NRG1: variants seen among roughly 807,000 people sequenced by gnomAD.
NRG1 encodes the protein neuregulin 1, also known as pro-neuregulin-1, membrane-bound isoform.
A neutral mutation model predicts 63.8 loss-of-function variants in NRG1; 18 were observed. The observed-to-expected ratio is 0.28, with a 90% CI of 0.19 to 0.42. The LOEUF (loss-of-function observed/expected upper bound fraction) is 0.42. NRG1 is among the 10% of genes least tolerant of loss of function. The pLI, the probability that NRG1 is intolerant of heterozygous loss-of-function variation, is 1.00. For missense variants in NRG1, 762 were observed against 814.7 expected (o/e 0.94, Z 0.79); for synonymous variants, 302 against 301.3 (o/e 1.00, Z -0.02).
chr8:32,675,332 T>G (rs1449253770), intron 5 of NRG1, among the ~76,000 whole-genome samples: 1 of 152,240 alleles, frequency 6.6e-6, no homozygotes, highest in Non-Finnish European at 1.5e-5. Flanking sequence ...AAAGATATTT[T>G]TAAAATTATA....
At chr8:32,043,800 G>A (rs1820478907) in intron 1 of NRG1, among the ~76,000 whole-genome samples, 1 of 151,582 alleles carries the variant, frequency 6.6e-6, no homozygotes, top group Admixed American at 6.6e-5. Flanking sequence ...TATACACAAA[G>A]AGATACAGTA....
At chr8:32,231,310 C>A (rs1177644112) in intron 1 of NRG1, among the ~76,000 whole-genome samples, 1 of 152,064 alleles carries the variant, frequency 6.6e-6, no homozygotes, top group Non-Finnish European at 1.5e-5. Flanking sequence ...GGCTCAATCA[C>A]AATTCTGGCA....
intron 1 of NRG1, among the ~76,000 whole-genome samples, chr8:32,189,539 C>T (rs921252922): frequency 3.3e-5 from 5 of 152,256 alleles, no homozygotes; most frequent in African/African-American, 1.2e-4. Flanking sequence ...TTATCCTTAT[C>T]TGTAGAATGG....
At chr8:32,254,174 C>G (rs541460638) in intron 1 of NRG1, among the ~76,000 whole-genome samples, 1 of 151,894 alleles carries the variant, frequency 6.6e-6, no homozygotes, top group Non-Finnish European at 1.5e-5. Context: ...AAGGGTTTTT[C>G]ATGTCTCTAT....
At chr8:32,639,338 G>A (rs536670617) in intron 5 of NRG1, among the ~76,000 whole-genome samples, 2 of 152,236 alleles carry the variant, frequency 1.3e-5, no homozygotes, top group South Asian at 2.1e-4. Flanking sequence ...CCTGGGAGGT[G>A]GAGGCTGCAG....
intron 1 of NRG1, among the ~76,000 whole-genome samples, chr8:31,655,744 G>C (rs1330134571): frequency 6.6e-6 from 1 of 152,216 alleles, no homozygotes; most frequent in Admixed American, 6.5e-5. Flanking sequence ...CTGAGGTGGG[G>C]CCCCAGTTGA....
intron 8 of NRG1, among the ~76,000 whole-genome samples, chr8:32,755,560 G>C (rs1327203315): frequency 1.3e-5 from 2 of 152,084 alleles, no homozygotes; most frequent in Non-Finnish European, 2.9e-5. Flanking sequence ...TGCACAAAAA[G>C]CGTTACCAGA....
At chr8:31,965,106 C>T (rs1437548515) in intron 1 of NRG1, among the ~76,000 whole-genome samples, 1 of 152,086 alleles carries the variant, frequency 6.6e-6, no homozygotes, top group Non-Finnish European at 1.5e-5. Flanking sequence ...TAGAATTAGT[C>T]CTAAGGAATT....
intron 1 of NRG1, among the ~76,000 whole-genome samples, chr8:31,996,695 C>T (rs992554077): frequency 5.3e-5 from 8 of 151,866 alleles, no homozygotes; most frequent in Non-Finnish European, 1.2e-4. Context: ...ACCTGAAAGA[C>T]AGAGAAAGAC....
At chr8:32,281,993 G>A (rs1344017865) in intron 1 of NRG1, among the ~76,000 whole-genome samples, 1 of 152,104 alleles carries the variant, frequency 6.6e-6, no homozygotes, top group African/African-American at 2.4e-5. Context: ...GAGGCTTTAA[G>A]CTTCAAGTCA....
rs60629097 is a variant in NRG1, at chr8:32,510,955, C to CTT, written c.38-84858_38-84857dup. ...GAATCTTCCTTTCTTTCTTTCTTTC[C>CTT]TTTTTTTTTTTTTTTTCTGAAGCAG... On this transcript the variant is annotated intron_variant, in intron 1 of 10. Coordinates refer to the NRG1 transcript ENST00000519301. Among the ~76,000 whole-genome samples, 131 of 125,580 alleles carry CTT rather than the reference C, an allele frequency of 1.0e-3. 3 individuals are homozygous for CTT. The highest frequency in any genetic ancestry group is 1.6e-3 in the Admixed American group (19 of 11,674). The allele number at this position is 125,580 out of a possible 152,430, so 82.4% of individuals were successfully genotyped here. A position where few individuals can be genotyped will look rare whatever the true frequency, so the allele number is the denominator to read the frequency against.
At chr8:32,631,383 G>C (rs1490658541) in intron 5 of NRG1, among the ~76,000 whole-genome samples, 1 of 152,048 alleles carries the variant, frequency 6.6e-6, no homozygotes, top group Non-Finnish European at 1.5e-5. Context: ...TATTTGGCAG[G>C]GATCCCTTCT....
intron 1 of NRG1, among the ~76,000 whole-genome samples, chr8:32,050,052 T>G (rs1487459124): frequency 6.6e-6 from 1 of 152,170 alleles, no homozygotes; most frequent in Non-Finnish European, 1.5e-5. Flanking sequence ...AAGAGCCTCC[T>G]TATCCTGAAA....
intron 1 of NRG1, among the ~76,000 whole-genome samples, chr8:32,449,858 G>T (rs1490733805): frequency 6.6e-6 from 1 of 152,150 alleles, no homozygotes. Flanking sequence ...ATTCATGAAA[G>T]GGAAGAGGGA....
At chr8:32,740,496 C>T (rs1318955165) in intron 6 of NRG1, among the ~76,000 whole-genome samples, 2 of 152,124 alleles carry the variant, frequency 1.3e-5, no homozygotes, top group African/African-American at 4.8e-5. Context: ...TGCGCCCGGC[C>T]AAGCTTATAC....
chr8:32,058,583 T>G (rs1479046400), intron 1 of NRG1, among the ~76,000 whole-genome samples: 3 of 152,044 alleles, frequency 2.0e-5, no homozygotes, highest in African/African-American at 7.2e-5. Flanking sequence ...ATTTTTTTAT[T>G]TTTTTACTGG....
intron 1 of NRG1, among the ~76,000 whole-genome samples, chr8:32,136,269 A>C (rs764567491): frequency 6.6e-6 from 1 of 152,184 alleles, no homozygotes; most frequent in African/African-American, 2.4e-5. Flanking sequence ...TTCCTCTCCT[A>C]TAATACAAAC....
intron 2 of NRG1, among the ~76,000 whole-genome samples, chr8:32,604,364 C>A (rs2129539238): frequency 6.6e-6 from 1 of 152,254 alleles, no homozygotes; most frequent in Middle Eastern, 3.4e-3. Flanking sequence ...ATATTTGGAA[C>A]AATTGATTTT....
At chr8:31,994,936 A>G (rs941249945) in intron 1 of NRG1, among the ~76,000 whole-genome samples, 1 of 152,068 alleles carries the variant, frequency 6.6e-6, no homozygotes, top group East Asian at 1.9e-4. Flanking sequence ...AATCATAAAG[A>G]TCTTTCTTTA....
Sources: gnomAD v4.1 joint callset for allele counts (sites outside exome capture counted in the v4.1 genomes callset) on GRCh38, gnomAD v4.1.1 for gene constraint, MANE v1.5 for transcripts, NCBI Gene and HGNC (gene_info 2026-07-23, HGNC 2026-07-21) for gene names.